The following TMEM126B variants were observed in gnomAD, a reference collection of about 807,000 sequenced individuals.
TMEM126B encodes complex I assembly factor TMEM126B, mitochondrial.
A neutral mutation model predicts 16.5 loss-of-function variants in TMEM126B; 19 were observed. The observed-to-expected ratio is 1.15, with a 90% CI of 0.80 to 1.69. The LOEUF (loss-of-function observed/expected upper bound fraction) is 1.69. Ranked by LOEUF, TMEM126B falls within the 40% of genes most tolerant of loss-of-function variation. The pLI, the probability that TMEM126B is intolerant of heterozygous loss-of-function variation, is 0.00. For synonymous variants in TMEM126B, 104 were observed against 93.2 expected (o/e 1.12, Z -0.67); for missense variants, 293 against 278.7 (o/e 1.05, Z -0.37).
intron 2 of TMEM126B, among the ~76,000 whole-genome samples, chr11:85,633,688 C>CT (rs1252720305): frequency 2.0e-5 from 3 of 152,028 alleles, no homozygotes; most frequent in Non-Finnish European, 4.4e-5. Context: ...ATGTAAACAG[C>CT]TTTTTTTTAG....
In TMEM126B at chr11:85,631,774, A is replaced by C; in HGVS notation, c.169A>C (p.Ile57Leu). 6.2e-7 allele frequency: 1 copy of C among 1,612,296 alleles called. No homozygotes were observed. ...CAGAAGACCAATGGTCATAGAAATC[A>C]TAGAAAAAAATTTTGACTATCTTAG... Reference protein sequence around the residue: ...KLRRPMVIEIIEKNFDYLRKE... With the variant: ...KLRRPMVIEILEKNFDYLRKE... The change falls in exon 2 of 5, where the codon ATA (isoleucine) becomes CTA (leucine). Residue 57 changes from isoleucine (I) to leucine (L), a missense_variant. Physicochemically the swap from Ile to Leu is conservative, Grantham distance 5 (BLOSUM62 2). Coordinates refer to ENST00000358867, the MANE Select transcript of TMEM126B (RefSeq NM_018480.7).
chr11:85,636,042 T>G lies in TMEM126B; in HGVS notation c.510-4T>G, dbSNP rs1413059432. 3.2e-6 allele frequency: 5 copies of G among 1,559,752 alleles called. No individual in the cohort carries two copies. The highest frequency in any genetic ancestry group is 4.3e-6 in the Non-Finnish European group (5 of 1,164,062). Reference sequence around the variant, plus strand: ...AGAGGTGATTAACTCTTTTTTCTTTTTAGGTATCATACCGTTCCACTGCCA... The same window carrying G: ...AGAGGTGATTAACTCTTTTTTCTTTGTAGGTATCATACCGTTCCACTGCCA... On this transcript the variant is annotated splice_polypyrimidine_tract_variant and splice_region_variant and intron_variant, in intron 4 of 4. Coordinates refer to ENST00000358867, the MANE Select transcript of TMEM126B (RefSeq NM_018480.7).
intron 2 of TMEM126B, among the ~76,000 whole-genome samples, chr11:85,632,507 G>C (rs550113893): frequency 6.6e-6 from 1 of 152,206 alleles, no homozygotes; most frequent in Non-Finnish European, 1.5e-5. Context: ...TCAAAGGACA[G>C]TTGATGTTAT....
At position 85,631,504 on chromosome 11, in the gene TMEM126B, CAG is replaced by C. The variant is rs2082295651; in HGVS notation, c.82-181_82-180del. Among the ~76,000 whole-genome samples the C allele has an allele frequency of 2.6e-5, 4 of 152,292 alleles. No individual in the cohort carries two copies. In the South Asian group the frequency reaches 8.3e-4, roughly 32 times the overall value. ...ATAATAACAAAAAGCCAATGTCTAA[CAG>C]ATAATAAGAGCTCAGTAAATGTTGA... On this transcript the variant is annotated intron_variant, in intron 1 of 4. Coordinates refer to ENST00000358867, the MANE Select transcript of TMEM126B (RefSeq NM_018480.7).
At chr11:85,630,881 T>C (rs1345408531) in intron 1 of TMEM126B, among the ~76,000 whole-genome samples, 1 of 152,196 alleles carries the variant, frequency 6.6e-6, no homozygotes, top group African/African-American at 2.4e-5. Context: ...CTGGCTATCA[T>C]AGTGCAATCC....
At chr11:85,632,902 T>G (rs913409121) in intron 2 of TMEM126B, among the ~76,000 whole-genome samples, 9 of 152,146 alleles carry the variant, frequency 5.9e-5, no homozygotes, top group African/African-American at 2.2e-4. Context: ...GCTGCACCCA[T>G]TAACTCATCA....
At chr11:85,635,821 CTTTTTTTTTTTTTTTT>C in intron 4 of TMEM126B, 43 bp downstream of exon 4, 1 of 867,440 alleles carries the variant, frequency 1.2e-6, no homozygotes, top group African/African-American at 2.1e-5. Flanking sequence ...CTTTTCTTTT[CTTTTTTTTTTTTTTTT>C]TTAGGTTAAT....
chr11:85,630,729 A>C (rs1591449060), intron 1 of TMEM126B, among the ~76,000 whole-genome samples: 2 of 152,132 alleles, frequency 1.3e-5, no homozygotes, highest in East Asian at 3.9e-4. Context: ...TGTTCATCAC[A>C]CTTGGGACAC....
Position 85,633,521 on chromosome 11 carries a change from T to A in TMEM126B, c.204-565T>A, listed in dbSNP as rs182764021. On this transcript the variant is annotated intron_variant, in intron 2 of 4. Coordinates refer to ENST00000358867, the MANE Select transcript of TMEM126B (RefSeq NM_018480.7). ...TAATTCATGTGAGATGGTATCTCAT[T>A]GTGGTTTTGATTTGCATTTCTCTGA... Among the ~76,000 whole-genome samples the A allele has an allele frequency of 1.8e-4, 28 of 152,328 alleles. 1 individual carries two copies. Among genetic ancestry groups the A allele is most frequent in the African/African-American group, 6.7e-4 (28 of 41,574 alleles).
Position 85,635,731 on chromosome 11 carries a change from C to G in TMEM126B, c.462C>G (p.Phe154Leu). Residue 154 changes from phenylalanine to leucine, a missense_variant, in exon 4 of 5, where the codon TTC becomes TTG. Physicochemically the swap from Phe to Leu is conservative, Grantham distance 22. Coordinates refer to ENST00000358867, the MANE Select transcript of TMEM126B (RefSeq NM_018480.7). ...TGATTGGCATAGTTTGTGGTGTTTTCTATCCCAGTTCTTTGGCTTTTACTA... is the reference window on the plus strand; with the variant it reads ...TGATTGGCATAGTTTGTGGTGTTTTGTATCCCAGTTCTTTGGCTTTTACTA... The part of the protein sequence containing the change: ...SSLIGIVCGV[F>L]YPSSLAFTKN... 1 of 1,609,030 alleles carries G rather than the reference C, an allele frequency of 6.2e-7. No individual in the cohort carries two copies. The highest frequency in any genetic ancestry group is 8.5e-7 in the Non-Finnish European group (1 of 1,178,674).
At chr11:85,631,183 A>G (rs1393321477) in intron 1 of TMEM126B, 2 of 1,290,372 alleles carry the variant, frequency 1.5e-6, no homozygotes, top group Admixed American at 4.6e-5. Flanking sequence ...TTAATCTTTC[A>G]TGAGAAACTG....
At chr11:85,634,005 T>C (rs767159553) in intron 2 of TMEM126B, 81 bp from the exon 3 acceptor site, 207 of 892,868 alleles carry the variant, frequency 2.3e-4, no homozygotes, top group Non-Finnish European at 3.1e-4. Flanking sequence ...GATATTGATA[T>C]GCAATAACAA....
At chr11:85,630,870 C>G (rs1210662566) in intron 1 of TMEM126B, among the ~76,000 whole-genome samples, 1 of 152,202 alleles carries the variant, frequency 6.6e-6, no homozygotes, top group African/African-American at 2.4e-5. Context: ...TCGAGACCAG[C>G]CTGGCTATCA....
In TMEM126B at chr11:85,631,042, C is replaced by T. The variant is rs768812583; in HGVS notation, c.82-645C>T. The T allele has an allele frequency of 3.7e-5, 31 of 832,100 alleles. No individual in the cohort carries two copies. The South Asian group carries it at 4.0e-4, about 11-fold the overall frequency. The allele number at this position is 832,100 out of a possible 1,614,324, so 51.5% of individuals were successfully genotyped here. ...TAATTTATGTACTCCAAAGTAGTAGCCACAATCCACTGCCTGTTCCCTTCC... is the reference window on the plus strand; with the variant it reads ...TAATTTATGTACTCCAAAGTAGTAGTCACAATCCACTGCCTGTTCCCTTCC... On this transcript the variant is annotated intron_variant, in intron 1 of 4. Transcript: ENST00000358867.
At chr11:85,634,613 G>A in intron 3 of TMEM126B, 1 of 207,524 alleles carries the variant, frequency 4.8e-6, no homozygotes, top group Non-Finnish European at 9.7e-6. Flanking sequence ...ATTCAGTAAG[G>A]CATTTCATCT....
At position 85,636,206 on chromosome 11, in the gene TMEM126B, G is replaced by C. The variant is rs751153059; in HGVS notation, c.670G>C (p.Glu224Gln). Residue 224 changes from glutamate (E) to glutamine (Q), a missense_variant, in exon 5 of 5, where the codon GAG becomes CAG. Physicochemically the swap from Glu to Gln is conservative, Grantham distance 29 (BLOSUM62 2). Coordinates refer to ENST00000358867, the MANE Select transcript of TMEM126B (RefSeq NM_018480.7). ...TTATGCAGTATTTGAAGAGACACTT[G>C]AGAAAACTATACATGAAGAGTAACC... ...YHYAVFEETL[E>Q]KTIHEE The C allele has an allele frequency of 1.3e-6, 2 of 1,543,488 alleles. No individual in the cohort carries two copies. Among genetic ancestry groups the C allele is most frequent in the South Asian group, 2.5e-5 (2 of 79,886 alleles).
At chr11:85,633,947 G>C (rs1393375990) in intron 2 of TMEM126B, 139 bp from the exon 3 acceptor site, 1 of 621,434 alleles carries the variant, frequency 1.6e-6, no homozygotes, top group Non-Finnish European at 2.8e-6. Context: ...CCTATCTTAA[G>C]CACTTAGAAA....
In TMEM126B at chr11:85,628,746, A is replaced by G. The variant is rs139051807; in HGVS notation, c.81+58A>G. 5 of 1,469,338 alleles carry G rather than the reference A, an allele frequency of 3.4e-6. No homozygotes were observed. The South Asian group carries it at 3.6e-5, about 11-fold the overall frequency. 91.0% of individuals were successfully genotyped at this position (1,469,338 alleles called of 1,614,324 possible). On this transcript the variant is annotated intron_variant, in intron 1 of 4. Coordinates refer to ENST00000358867, the MANE Select transcript of TMEM126B (RefSeq NM_018480.7). The stretch of plus-strand genomic sequence containing the variant: ...ATTTCTGCACCTTCAAAGTGTTGGC[A>G]GACTCTTCTAAGATGATACCTTTAA...
chr11:85,629,185 G>A, intron 1 of TMEM126B: 2 of 1,280,360 alleles, frequency 1.6e-6, no homozygotes, highest in Non-Finnish European at 2.0e-6. Flanking sequence ...TGGGATGACT[G>A]TATCTTGATT....
Sources: gnomAD v4.1 joint callset for allele counts (sites outside exome capture counted in the v4.1 genomes callset) on GRCh38, gnomAD v4.1.1 for gene constraint, MANE v1.5 for transcripts, NCBI Gene and HGNC (gene_info 2026-07-23, HGNC 2026-07-21) for gene names.